YAP1: variants seen among roughly 807,000 people sequenced by gnomAD.
The protein encoded by YAP1 is Yes1 associated transcriptional regulator.
A neutral mutation model predicts 56.9 loss-of-function variants in YAP1; 5 were observed. The observed-to-expected ratio is 0.09, with a 90% CI of 0.05 to 0.18. YAP1 has a LOEUF of 0.18. YAP1 is among the 10% of genes least tolerant of loss of function. YAP1 has a pLI of 1.00. For synonymous variants in YAP1, 265 were observed against 248.1 expected, an observed-to-expected ratio of 1.07 and a Z score of -0.64; for missense variants, 539 against 651.8, an observed-to-expected ratio of 0.83 and a Z score of 1.88.
At chr11:102,177,201 G>A (rs1299670368) in intron 3 of YAP1, among the ~76,000 whole-genome samples, 1 of 152,112 alleles carries the variant, frequency 6.6e-6, no homozygotes, top group Non-Finnish European at 1.5e-5. Flanking sequence ...GGAATAGATA[G>A]AGCCTGGCAT....
At chr11:102,196,476 A>G (rs1948577878) in intron 4 of YAP1, among the ~76,000 whole-genome samples, 1 of 152,206 alleles carries the variant, frequency 6.6e-6, no homozygotes, top group African/African-American at 2.4e-5. Flanking sequence ...AAGGCCATAT[A>G]TTGCTTAATT....
intron 3 of YAP1, among the ~76,000 whole-genome samples, chr11:102,168,635 A>G (rs1225883602): frequency 1.3e-5 from 2 of 152,196 alleles, no homozygotes; most frequent in African/African-American, 4.8e-5. Flanking sequence ...CCTCTTGATC[A>G]TGAAAGGTGA....
At chr11:102,226,742 G>GT (rs1950215900) in intron 7 of YAP1, among the ~76,000 whole-genome samples, 1 of 152,148 alleles carries the variant, frequency 6.6e-6, no homozygotes. Context: ...GTGCCTTGCA[G>GT]TTTTTTGTTT....
intron 3 of YAP1, among the ~76,000 whole-genome samples, chr11:102,173,303 A>G (rs994740958): frequency 1.3e-5 from 2 of 152,186 alleles, no homozygotes; most frequent in African/African-American, 2.4e-5. Context: ...GCTTTGTGTC[A>G]TAAGCTAAGA....
intron 2 of YAP1, among the ~76,000 whole-genome samples, chr11:102,124,800 A>G (rs1047555475): frequency 6.6e-6 from 1 of 152,116 alleles, no homozygotes; most frequent in African/African-American, 2.4e-5. Context: ...CAGTGGCGCC[A>G]TCTCAGCTTA....
chr11:102,143,614 A>G (rs770657894), intron 2 of YAP1, among the ~76,000 whole-genome samples: 1 of 152,190 alleles, frequency 6.6e-6, no homozygotes, highest in Non-Finnish European at 1.5e-5. Flanking sequence ...ATAAACTGTA[A>G]AGGGCCATAT....
In YAP1 at chr11:102,158,934, G is replaced by A. The variant is rs1565213025; in HGVS notation, c.573-3522G>A. Among the ~76,000 whole-genome samples the A allele has an allele frequency of 2.0e-5, 3 of 152,136 alleles. No individual in the cohort carries two copies. The South Asian group carries it at 6.2e-4, about 32-fold the overall frequency. On this transcript the variant is annotated intron_variant, in intron 2 of 8. Transcript: ENST00000282441. ...TTTAGAATTTATTAGGATGAGCTTT[G>A]GCTAATGCTTAAGAAATATTGTTTA... is the stretch of plus-strand genomic sequence containing the variant.
At chr11:102,227,420 T>G (rs1950245958) in intron 7 of YAP1, 49 bp from the exon 8 acceptor site, 3 of 1,340,342 alleles carry the variant, frequency 2.2e-6, no homozygotes, top group Non-Finnish European at 3.2e-6. Context: ...TACCTTGAAT[T>G]GATTTTTAAA....
intron 4 of YAP1, among the ~76,000 whole-genome samples, chr11:102,193,114 CTAATG>C (rs1948383410): frequency 1.3e-5 from 2 of 152,158 alleles, no homozygotes; most frequent in Admixed American, 6.5e-5. Flanking sequence ...GACAGAAAGT[CTAATG>C]TAAGCAGATT....
At chr11:102,129,795 C>CT (rs773044206) in intron 2 of YAP1, among the ~76,000 whole-genome samples, 8,145 of 101,910 alleles carry the variant, frequency 0.08, 549 homozygotes, top group African/African-American at 0.16. Flanking sequence ...GGAAGCAAAA[C>CT]TTTTTTTTTT....
rs1337641866 is a variant in YAP1, at chr11:102,229,906, A to G, written c.1481A>G (p.Lys494Arg). The G allele has an allele frequency of 6.2e-7, 1 of 1,614,122 alleles. No homozygotes were observed. Among genetic ancestry groups the G allele is most frequent in the Non-Finnish European group, 8.5e-7 (1 of 1,179,964 alleles). ...ATGGAGTCTGTTTTGGCTGCCACCA[A>G]GCTAGATAAAGAAAGCTTTCTTACA... ...NDMESVLAAT[K>R]LDKESFLTWL The change falls in exon 9 of 9, where the codon AAG becomes AGG. Residue 494 changes from lysine to arginine, a missense_variant. Transcript: ENST00000282441.
At chr11:102,158,885 CACAAT>C in intron 2 of YAP1, among the ~76,000 whole-genome samples, 1 of 152,280 alleles carries the variant, frequency 6.6e-6, no homozygotes, top group Admixed American at 6.5e-5. Context: ...AAATAAAACA[CACAAT>C]CAAGAATTTG....
intron 5 of YAP1, among the ~76,000 whole-genome samples, chr11:102,208,147 C>T (rs1949217699): frequency 6.6e-6 from 1 of 152,160 alleles, no homozygotes; most frequent in Non-Finnish European, 1.5e-5. Context: ...TTCTCAGATC[C>T]CATTCAGTTT....
intron 6 of YAP1, among the ~76,000 whole-genome samples, chr11:102,220,032 C>A (rs1387684610): frequency 1.3e-5 from 2 of 151,820 alleles, no homozygotes; most frequent in Non-Finnish European, 2.9e-5. Flanking sequence ...CCACACCCAG[C>A]CAATGGCCTC....
rs144715383 is a variant in YAP1, at chr11:102,110,732, G to T, written c.-117G>T. ...CCCCCCGGCCCTGAGAGCGAGGACA[G>T]CGCCGCCCGGCCCGCAGCCGTCGCC... is the stretch of plus-strand genomic sequence containing the variant. On this transcript the variant is annotated 5_prime_UTR_variant, in exon 1 of 9. Transcript: ENST00000282441. 0.053 allele frequency: 52,950 copies of T among 992,846 alleles called. 2,650 individuals carry two copies. Among genetic ancestry groups the T allele is most frequent in the African/African-American group, 0.23 (13,560 of 58,202 alleles). The allele number at this position is 992,846 out of a possible 1,614,324, so 61.5% of individuals were successfully genotyped here.
At chr11:102,124,041 T>C (rs898469886) in intron 2 of YAP1, among the ~76,000 whole-genome samples, 1 of 150,232 alleles carries the variant, frequency 6.7e-6, no homozygotes, top group African/African-American at 2.5e-5. Flanking sequence ...AATCTCTGGC[T>C]CCCGGGTTCA....
chr11:102,190,178 GT>G (rs929678903), intron 4 of YAP1, among the ~76,000 whole-genome samples: 5 of 152,058 alleles, frequency 3.3e-5, no homozygotes, highest in African/African-American at 9.7e-5. Flanking sequence ...GTTCTGTTTT[GT>G]TTTGTTTTGA....
intron 2 of YAP1, among the ~76,000 whole-genome samples, chr11:102,161,181 C>T (rs894585488): frequency 1.3e-5 from 2 of 150,656 alleles, no homozygotes; most frequent in Non-Finnish European, 3.0e-5. Context: ...CTGCCTCAGC[C>T]TCCCTGAGGA....
At chr11:102,207,489 C>T (rs1332496633) in intron 5 of YAP1, among the ~76,000 whole-genome samples, 3 of 150,760 alleles carry the variant, frequency 2.0e-5, no homozygotes, top group East Asian at 1.9e-4. Flanking sequence ...CCCAGGAGTT[C>T]GAAACCAGCC....
Sources: allele counts gnomAD v4.1 joint callset (sites outside exome capture counted in the v4.1 genomes callset), GRCh38; gene constraint gnomAD v4.1.1; transcripts MANE v1.5; gene names NCBI Gene and HGNC (gene_info 2026-07-23, HGNC 2026-07-21).